Variants in IBSP observed in about 807,000 individuals in gnomAD.
IBSP encodes the protein integrin binding sialoprotein.
A neutral mutation model predicts 25.5 loss-of-function variants in IBSP; 19 were observed. The observed-to-expected ratio is 0.74, with a 90% CI of 0.52 to 1.09. IBSP has a LOEUF of 1.09. Among genes scored for constraint, IBSP ranks in the 50% least tolerant of loss-of-function variants. The pLI is 0.00. For missense variants in IBSP, 360 were observed against 382.3 expected (o/e 0.94, Z 0.49); for synonymous variants, 144 against 137.6 (o/e 1.05, Z -0.33).
In IBSP at chr4:87,810,644, T is replaced by G. The variant is rs772050119; in HGVS notation, c.285T>G (p.Asn95Lys). 1 of 1,613,562 alleles carries G rather than the reference T, an allele frequency of 6.2e-7. No homozygotes were observed. The highest frequency in any genetic ancestry group is 2.2e-5 in the East Asian group (1 of 44,876). Residue 95 changes from asparagine to lysine, a missense_variant, in exon 6 of 7, where the codon AAT (asparagine) becomes AAG (lysine). Asn to Lys is a moderately conservative substitution (Grantham distance 94, BLOSUM62 0). Coordinates refer to ENST00000226284, the MANE Select transcript of IBSP (RefSeq NM_004967.4). ...SNEGENNEES[N>K]EDEDSEAENT... ...AAGGAGAAAACAATGAAGAATCGAA[T>G]GAAGATGAAGACTCTGAGGCTGAGA... is the stretch of plus-strand genomic sequence containing the variant.
rs752731584 is a variant in IBSP at position 87,811,472 on chromosome 4, C to T, written c.516C>T (p.Asn172=). Residue 172 remains asparagine (N), a synonymous_variant, in exon 7 of 7, where the codon AAC becomes AAT. Coordinates refer to ENST00000226284, the MANE Select transcript of IBSP (RefSeq NM_004967.4). The part of the protein sequence containing the change: ...NEESEAEVDE[N]EQGINGTSTN... ...AAAGCGAAGCAGAAGTGGATGAAAA[C>T]GAACAAGGCATAAACGGCACCAGTA... 2.5e-6 allele frequency: 4 copies of T among 1,613,628 alleles called. No individual in the cohort carries two copies. The highest frequency in any genetic ancestry group is 3.4e-6 in the Non-Finnish European group (4 of 1,179,822).
intron 5 of IBSP, among the ~76,000 whole-genome samples, chr4:87,810,219 C>CA (rs1722151780): frequency 8.0e-6 from 1 of 124,864 alleles, no homozygotes; most frequent in Non-Finnish European, 1.7e-5. Flanking sequence ...CATGACTCTG[C>CA]AAAAACAAAA....
Position 87,812,043 on chromosome 4 carries a change from C to T in IBSP, c.*133C>T. ...GAATGGTACTACCGTTCCAGATTTTCTGTAATTGCTTCTGCAAAGTAATAG... is the reference window on the plus strand; with the variant it reads ...GAATGGTACTACCGTTCCAGATTTTTTGTAATTGCTTCTGCAAAGTAATAG... On this transcript the variant is annotated 3_prime_UTR_variant, in exon 7 of 7. Coordinates refer to ENST00000226284, the MANE Select transcript of IBSP (RefSeq NM_004967.4). The T allele has an allele frequency of 1.6e-6, 1 of 644,286 alleles. No homozygotes were observed. The highest frequency in any genetic ancestry group is 2.5e-6 in the Non-Finnish European group (1 of 400,752). 39.9% of individuals were successfully genotyped at this position (644,286 alleles called of 1,614,324 possible). A position where few individuals can be genotyped will look rare whatever the true frequency, so the allele number is the denominator to read the frequency against.
chr4:87,802,532 A>G lies in IBSP; in HGVS notation c.79A>G (p.Lys27Glu), dbSNP rs1722035499. 2 of 1,606,620 alleles carry G rather than the reference A, an allele frequency of 1.2e-6. No homozygotes were observed. Among genetic ancestry groups the G allele is most frequent in the Non-Finnish European group, 1.7e-6 (2 of 1,177,200 alleles). The stretch of plus-strand genomic sequence containing the variant: ...GATGAAAAATTTGCATCGAAGAGTC[A>G]AAATAGAGGATTCTGAAGAAAATGG... ...FSMKNLHRRV[K>E]IEDSEENGVF... The change falls in exon 3 of 7, where the codon AAA becomes GAA. Residue 27 changes from lysine to glutamate, a missense_variant. Lys to Glu is a moderately conservative substitution (Grantham distance 56). Coordinates refer to ENST00000226284, the MANE Select transcript of IBSP (RefSeq NM_004967.4).
chr4:87,808,277 G>C (rs1352959156), intron 5 of IBSP, among the ~76,000 whole-genome samples: 1 of 151,852 alleles, frequency 6.6e-6, no homozygotes, highest in African/African-American at 2.4e-5. Flanking sequence ...CACCTCCCAG[G>C]TTCACGCCAT....
At chr4:87,806,860 C>A (rs1292703659) in intron 5 of IBSP, among the ~76,000 whole-genome samples, 1 of 152,000 alleles carries the variant, frequency 6.6e-6, no homozygotes, top group African/African-American at 2.4e-5. Flanking sequence ...CAAAAATTAG[C>A]CAGGTGTGGT....
At chr4:87,807,048 T>C (rs1560527159) in intron 5 of IBSP, among the ~76,000 whole-genome samples, 1 of 152,056 alleles carries the variant, frequency 6.6e-6, no homozygotes, top group Non-Finnish European at 1.5e-5. Flanking sequence ...ATACGTCTTT[T>C]TGGGTAGTAA....
chr4:87,806,211 A>G (rs1341599265), intron 5 of IBSP, 27 bp downstream of exon 5: 1 of 1,575,698 alleles, frequency 6.3e-7, no homozygotes, highest in South Asian at 1.1e-5. Flanking sequence ...TCTTTTCGTA[A>G]TAAAGCAGAC....
intron 4 of IBSP, among the ~76,000 whole-genome samples, chr4:87,805,807 A>G (rs17013175): frequency 0.16 from 24,436 of 152,164 alleles, 2,032 homozygotes; most frequent in East Asian, 0.22. Context: ...TCATTGCCCT[A>G]GTTTTTACAT....
chr4:87,803,391 A>C (rs1392133317), intron 4 of IBSP, among the ~76,000 whole-genome samples: 1 of 152,182 alleles, frequency 6.6e-6, no homozygotes, highest in African/African-American at 2.4e-5. Flanking sequence ...ACAAAAAGGA[A>C]AATAACTAAA....
intron 5 of IBSP, among the ~76,000 whole-genome samples, 189 bp from the exon 6 acceptor site, chr4:87,810,417 T>C (rs1722154543): frequency 6.6e-6 from 1 of 152,134 alleles, no homozygotes; most frequent in Non-Finnish European, 1.5e-5. Context: ...ATTCAATAAC[T>C]TGGAGTTGAG....
intron 4 of IBSP, among the ~76,000 whole-genome samples, chr4:87,803,833 T>C (rs949852408): frequency 7.9e-5 from 12 of 152,160 alleles, no homozygotes; most frequent in African/African-American, 2.7e-4. Flanking sequence ...TAAACAGTGC[T>C]CATTTGAAAG....
At chr4:87,805,191 T>C (rs904467518) in intron 4 of IBSP, among the ~76,000 whole-genome samples, 4 of 152,228 alleles carry the variant, frequency 2.6e-5, no homozygotes, top group African/African-American at 9.6e-5. Context: ...TTAGAGATCC[T>C]TCTGCAGCTA....
At chr4:87,804,555 G>A (rs1424294716) in intron 4 of IBSP, among the ~76,000 whole-genome samples, 1 of 152,142 alleles carries the variant, frequency 6.6e-6, no homozygotes, top group Non-Finnish European at 1.5e-5. Context: ...TAGAAGGTAA[G>A]AATTTAATCT....
chr4:87,802,151 G>A (rs905376360), intron 1 of IBSP, among the ~76,000 whole-genome samples, 197 bp from the exon 2 acceptor site: 6 of 152,118 alleles, frequency 3.9e-5, no homozygotes, highest in African/African-American at 1.4e-4. Flanking sequence ...TATTTAAACG[G>A]ATGGGTTAAG....
intron 1 of IBSP, among the ~76,000 whole-genome samples, chr4:87,801,700 G>A (rs1025731978): frequency 6.6e-6 from 1 of 152,048 alleles, no homozygotes; most frequent in African/African-American, 2.4e-5. Context: ...TGTTGCCCAG[G>A]GTGGAGTACA....
Position 87,812,150 on chromosome 4 carries a change from A to G in IBSP, c.*240A>G, listed in dbSNP as rs535196757. On this transcript the variant is annotated 3_prime_UTR_variant, in exon 7 of 7. Coordinates refer to ENST00000226284, the MANE Select transcript of IBSP (RefSeq NM_004967.4). ...CATTTATCAAGCAGTACACCAACTC[A>G]TAAGATCAAATTTCATTGAATGGTT... 5.0e-6 allele frequency: 2 copies of G among 397,078 alleles called. No homozygotes were observed. Among genetic ancestry groups the G allele is most frequent in the African/African-American group, 4.1e-5 (2 of 48,500 alleles). The allele number at this position is 397,078 out of a possible 1,614,324, so 24.6% of individuals were successfully genotyped here. A position where few individuals can be genotyped will look rare whatever the true frequency, so the allele number is the denominator to read the frequency against.
At chr4:87,810,140 C>T (rs911562371) in intron 5 of IBSP, among the ~76,000 whole-genome samples, 6 of 152,112 alleles carry the variant, frequency 3.9e-5, no homozygotes, top group Non-Finnish European at 8.8e-5. Flanking sequence ...AGGAGAATCG[C>T]TTGAACCCAG....
rs1200537366 is a variant in IBSP at position 87,806,157 on chromosome 4, C to A, written c.219C>A (p.Asp73Glu). Residue 73 changes from aspartate to glutamate, a missense_variant, in exon 5 of 7, where the codon GAC becomes GAA. Physicochemically the swap from Asp to Glu is conservative, Grantham distance 45. Coordinates refer to ENST00000226284, the MANE Select transcript of IBSP (RefSeq NM_004967.4). The stretch of plus-strand genomic sequence containing the variant: ...ACTCATCCGAAGAAAATGGAGATGA[C>A]AGTTCAGAAGAGGAGGAGGAAGAAG... ...SSDSSEENGD[D>E]SSEEEEEEEE... 1.2e-6 allele frequency: 2 copies of A among 1,611,740 alleles called. No individual in the cohort carries two copies. The highest frequency in any genetic ancestry group is 1.3e-5 in the African/African-American group (1 of 74,870).
Sources: allele counts gnomAD v4.1 joint callset (sites outside exome capture counted in the v4.1 genomes callset), GRCh38; gene constraint gnomAD v4.1.1; transcripts MANE v1.5; gene names NCBI Gene and HGNC (gene_info 2026-07-23, HGNC 2026-07-21).